Variants in FHIT observed in about 807,000 individuals in gnomAD.
FHIT encodes fragile histidine triad diadenosine triphosphatase.
FHIT carries 19 observed loss-of-function variants against 17.9 expected under a neutral mutation model. The observed-to-expected ratio is 1.06, with a 90% CI of 0.74 to 1.56. FHIT has a LOEUF of 1.56. Ranked by LOEUF, FHIT falls within the 40% of genes most tolerant of loss-of-function variation. The pLI, the probability that FHIT is intolerant of heterozygous loss-of-function variation, is 0.00. For synonymous variants in FHIT, 81 were observed against 69.7 expected (o/e 1.16, Z -0.81); for missense variants, 248 against 189.2 (o/e 1.31, Z -1.82).
intron 5 of FHIT, among the ~76,000 whole-genome samples, chr3:60,311,379 T>A (rs1008814567): frequency 2.0e-5 from 3 of 152,074 alleles, no homozygotes; most frequent in Non-Finnish European, 4.4e-5. Context: ...TGGTTATGCT[T>A]CTCAGGGTAC....
chr3:60,830,304 C>T (rs2106812412), intron 3 of FHIT, among the ~76,000 whole-genome samples: 1 of 152,244 alleles, frequency 6.6e-6, no homozygotes. Context: ...ACTTACTTTT[C>T]TGTAGTCTCC....
intron 5 of FHIT, among the ~76,000 whole-genome samples, chr3:60,351,794 T>C (rs1169903995): frequency 2.0e-5 from 3 of 152,214 alleles, no homozygotes; most frequent in African/African-American, 7.2e-5. Flanking sequence ...TCTCTGCTCA[T>C]ATCTTATTTC....
At chr3:61,087,810 T>C (rs2035352702) in intron 2 of FHIT, among the ~76,000 whole-genome samples, 1 of 152,162 alleles carries the variant, frequency 6.6e-6, no homozygotes, top group Non-Finnish European at 1.5e-5. Context: ...TTGATTTCTG[T>C]ACTAGGTAAG....
intron 7 of FHIT, among the ~76,000 whole-genome samples, chr3:59,997,807 C>A (rs1699575112): frequency 6.6e-6 from 1 of 152,106 alleles, no homozygotes; most frequent in Non-Finnish European, 1.5e-5. Flanking sequence ...TTATCTAACA[C>A]CCCCCTCTAC....
intron 7 of FHIT, among the ~76,000 whole-genome samples, chr3:60,003,866 T>C (rs1699822845): frequency 6.6e-6 from 1 of 151,994 alleles, no homozygotes; most frequent in African/African-American, 2.4e-5. Flanking sequence ...TACTTTTTTT[T>C]TTTTTTTTAA....
chr3:60,853,908 C>T (rs781953613), intron 3 of FHIT, among the ~76,000 whole-genome samples: 33 of 152,142 alleles, frequency 2.2e-4, no homozygotes, highest in Non-Finnish European at 3.8e-4. Flanking sequence ...AACATAGTCC[C>T]TTTGGTGTCC....
chr3:60,558,366 G>A (rs79599271), intron 4 of FHIT, among the ~76,000 whole-genome samples: 8,817 of 151,890 alleles, frequency 0.058, 365 homozygotes, highest in South Asian at 0.17. Context: ...GCACATGCCT[G>A]AAGTAGGGTT....
chr3:59,848,963 A>G (rs1423727211), intron 8 of FHIT, among the ~76,000 whole-genome samples: 1 of 152,368 alleles, frequency 6.6e-6, no homozygotes, highest in East Asian at 1.9e-4. Flanking sequence ...ATCCTAAAAC[A>G]GAATAAATCC....
chr3:59,862,549 A>ACGG (rs1416838392), intron 8 of FHIT, among the ~76,000 whole-genome samples: 2 of 152,256 alleles, frequency 1.3e-5, no homozygotes, highest in African/African-American at 4.8e-5. Flanking sequence ...CGTTTGTAGA[A>ACGG]GAGCAGACAC....
chr3:61,048,257 C>T (rs774074099), intron 2 of FHIT, among the ~76,000 whole-genome samples: 20 of 151,994 alleles, frequency 1.3e-4, no homozygotes, highest in Non-Finnish European at 2.8e-4. Context: ...AGAAATCTTC[C>T]AAGAACTTAA....
chr3:60,050,785 T>C (rs912322299), intron 5 of FHIT, among the ~76,000 whole-genome samples: 2 of 152,178 alleles, frequency 1.3e-5, no homozygotes, highest in Admixed American at 1.3e-4. Flanking sequence ...ATCTCCAAGA[T>C]TTTTCATGGC....
chr3:61,075,278 C>T (rs2034937711), intron 2 of FHIT, among the ~76,000 whole-genome samples: 3 of 152,224 alleles, frequency 2.0e-5, no homozygotes, highest in South Asian at 4.2e-4. Context: ...AATCTCTCTC[C>T]TCCTGCAAGA....
intron 4 of FHIT, among the ~76,000 whole-genome samples, chr3:60,672,874 C>CGTGTGTGTGTGTGT (rs71629109): frequency 0.047 from 6,529 of 139,410 alleles, 225 homozygotes; most frequent in Non-Finnish European, 0.066. Context: ...CTCTTTGTAG[C>CGTGTGTGTGTGTGT]GTGTGTGTGT....
chr3:59,803,296 G>C (rs1700071272), intron 8 of FHIT, among the ~76,000 whole-genome samples: 1 of 152,202 alleles, frequency 6.6e-6, no homozygotes, highest in Non-Finnish European at 1.5e-5. Context: ...TGTAGGGACA[G>C]AAAGAAGACT....
At chr3:60,783,957 A>G (rs1700477999) in intron 4 of FHIT, among the ~76,000 whole-genome samples, 1 of 152,190 alleles carries the variant, frequency 6.6e-6, no homozygotes, top group African/African-American at 2.4e-5. Context: ...CAAAAGAATA[A>G]AAGCACTATG....
chr3:60,921,382 A>G (rs544130804), intron 3 of FHIT, among the ~76,000 whole-genome samples: 1 of 152,324 alleles, frequency 6.6e-6, no homozygotes, highest in South Asian at 2.1e-4. Flanking sequence ...TGGGTTGATT[A>G]TCAAGAGTGC....
chr3:60,850,792 A>G (rs1703124809), intron 3 of FHIT, among the ~76,000 whole-genome samples: 1 of 152,102 alleles, frequency 6.6e-6, no homozygotes, highest in Non-Finnish European at 1.5e-5. Flanking sequence ...TTTATCTTAT[A>G]AATTTCTTTT....
chr3:59,771,252 T>C (rs573635311), intron 8 of FHIT, among the ~76,000 whole-genome samples: 5 of 152,216 alleles, frequency 3.3e-5, no homozygotes, highest in African/African-American at 1.2e-4. Context: ...CAAGATGTCA[T>C]AATAGATGGA....
intron 5 of FHIT, among the ~76,000 whole-genome samples, chr3:60,158,934 C>A (rs1014689113): frequency 5.9e-5 from 9 of 152,150 alleles, no homozygotes; most frequent in Admixed American, 3.9e-4. Flanking sequence ...TTCTCCCTCA[C>A]TGCAATGAGC....
Sources: allele counts gnomAD v4.1 joint callset (sites outside exome capture counted in the v4.1 genomes callset), GRCh38; gene constraint gnomAD v4.1.1; transcripts MANE v1.5; gene names NCBI Gene and HGNC (gene_info 2026-07-23, HGNC 2026-07-21).